The following PPP2R3B variants were observed in gnomAD, a reference collection of about 807,000 sequenced individuals.
The protein encoded by PPP2R3B is protein phosphatase 2 regulatory subunit B''beta, also known as serine/threonine-protein phosphatase 2A regulatory subunit B'' subunit beta.
In PPP2R3B, 68 loss-of-function variants were observed where a neutral mutation model predicts 72.9. That is an observed-to-expected ratio of 0.93 (90% confidence interval 0.77 to 1.14). The LOEUF is 1.14. Ranked by LOEUF, PPP2R3B falls within the 50% of genes most tolerant of loss-of-function variation. PPP2R3B has a pLI of 0.00. For synonymous variants in PPP2R3B, 466 were observed against 375.8 expected (o/e 1.24, Z -2.78); for missense variants, 1,018 against 842.0 (o/e 1.21, Z -2.59).
At chrX:384,335 T>C (rs1273722888) in intron 1 of PPP2R3B, among the ~76,000 whole-genome samples, 1 of 150,718 alleles carries the variant, frequency 6.6e-6, no homozygotes, top group Non-Finnish European at 1.5e-5. Flanking sequence ...CTTCCTCTGT[T>C]GCTCAGGCTG....
At chrX:341,461 C>T (rs1340991314) in intron 8 of PPP2R3B, 65 bp from the exon 9 acceptor site, 3 of 1,548,940 alleles carry the variant, frequency 1.9e-6, no homozygotes, top group Admixed American at 1.7e-5. Flanking sequence ...AGGAACGGAG[C>T]CCCTGTCCAC....
At chrX:374,879 T>C (rs2071955208) in intron 1 of PPP2R3B, among the ~76,000 whole-genome samples, 1 of 152,146 alleles carries the variant, frequency 6.6e-6, no homozygotes, top group Non-Finnish European at 1.5e-5. Context: ...TTCCCTGCCC[T>C]GAAAAACGTC....
At chrX:380,271 C>G (rs2072093729) in intron 1 of PPP2R3B, among the ~76,000 whole-genome samples, 1 of 152,112 alleles carries the variant, frequency 6.6e-6, no homozygotes, top group Admixed American at 6.6e-5. Flanking sequence ...AAACAAAAAG[C>G]AAGCCAGACT....
intron 1 of PPP2R3B, among the ~76,000 whole-genome samples, chrX:370,139 G>A (rs1324460013): frequency 1.3e-5 from 2 of 152,138 alleles, no homozygotes; most frequent in East Asian, 3.9e-4. Context: ...CAAAAAGGTC[G>A]GTGTTTACAC....
chrX:334,177 C>T lies in PPP2R3B; in HGVS notation c.*190G>A. ...CATTCACGCGCGGCCCTACGTGTCC[C>T]CCTGGCACAGAGCTCTGGGCAGGTC... On this transcript the variant is annotated 3_prime_UTR_variant, in exon 13 of 13. Coordinates refer to ENST00000390665, the MANE Select transcript of PPP2R3B (RefSeq NM_013239.5). The T allele has an allele frequency of 3.3e-6, 2 of 603,538 alleles. No individual in the cohort carries two copies. Among genetic ancestry groups the T allele is most frequent in the Non-Finnish European group, 2.5e-6 (1 of 393,148 alleles). The allele number at this position is 603,538 out of a possible 1,614,324, so 37.4% of individuals were successfully genotyped here.
chrX:351,209 T>C (rs961176162), intron 2 of PPP2R3B, among the ~76,000 whole-genome samples: 9 of 152,140 alleles, frequency 5.9e-5, no homozygotes, highest in African/African-American at 2.2e-4. Flanking sequence ...AGCTCAGCCC[T>C]GGCCACCTGG....
intron 10 of PPP2R3B, among the ~76,000 whole-genome samples, chrX:340,494 GTCCGTC>G (rs2071032567): frequency 1.5e-5 from 1 of 65,188 alleles, no homozygotes; most frequent in Non-Finnish European, 3.2e-5. Flanking sequence ...CCCCCCTCCC[GTCCGTC>G]CCCTCACCCT....
At chrX:383,704 G>A (rs1435712522) in intron 1 of PPP2R3B, among the ~76,000 whole-genome samples, 2 of 151,382 alleles carry the variant, frequency 1.3e-5, no homozygotes, top group African/African-American at 4.8e-5. Context: ...CGGGCGTGGT[G>A]GCGGGCGCCT....
At chrX:384,276 C>CTATATA (rs1234300797) in intron 1 of PPP2R3B, among the ~76,000 whole-genome samples, 1 of 148,620 alleles carries the variant, frequency 6.7e-6, no homozygotes, top group East Asian at 1.9e-4. Flanking sequence ...CTCTCTCTCT[C>CTATATA]TCTCTCTATA....
chrX:383,370 G>T (rs2072165912), intron 1 of PPP2R3B, among the ~76,000 whole-genome samples: 1 of 152,098 alleles, frequency 6.6e-6, no homozygotes, highest in Admixed American at 6.6e-5. Flanking sequence ...GTGTTCAGCT[G>T]AAAATTTTCA....
At chrX:370,881 C>T (rs1400940899) in intron 1 of PPP2R3B, among the ~76,000 whole-genome samples, 1 of 152,208 alleles carries the variant, frequency 6.6e-6, no homozygotes, top group Non-Finnish European at 1.5e-5. Flanking sequence ...GCGTAGGGGA[C>T]GGCGCTTTCA....
At chrX:382,120 C>G (rs780289687) in intron 1 of PPP2R3B, among the ~76,000 whole-genome samples, 1 of 152,096 alleles carries the variant, frequency 6.6e-6, no homozygotes, top group South Asian at 2.1e-4. Flanking sequence ...ACGGTCCACA[C>G]GCATCCTTCC....
chrX:378,990 A>T (rs191058725), intron 1 of PPP2R3B, among the ~76,000 whole-genome samples: 7 of 152,326 alleles, frequency 4.6e-5, no homozygotes, highest in Non-Finnish European at 1.0e-4. Flanking sequence ...AGAACTTCTA[A>T]TGAAACGTTA....
intron 3 of PPP2R3B, 21 bp from the exon 4 acceptor site, chrX:347,357 G>T (rs754574076): frequency 4.1e-5 from 66 of 1,610,422 alleles, no homozygotes; most frequent in Non-Finnish European, 5.2e-5. Context: ...AGGATGACTG[G>T]GCACCACCCT....
rs201480710 is a variant in PPP2R3B at position 347,687 on chromosome X, C to T, written c.517G>A (p.Gly173Ser). The T allele has an allele frequency of 1.1e-5, 17 of 1,537,688 alleles. No individual in the cohort carries two copies. Among genetic ancestry groups the T allele is most frequent in the South Asian group, 4.8e-5 (4 of 82,894 alleles). The part of the protein sequence containing the change: ...DDMGLVAKAC[G>S]CPLYWKGPLF... ...GGCCCCTTCCAGTAGAGGGGGCAGC[C>T]GCAGGCCTGGGGCAGAGAGGGCAGG... Residue 173 changes from glycine to serine, a missense_variant, in exon 3 of 13, where the codon GGC (glycine) becomes AGC (serine). By Grantham distance (56) the Gly-to-Ser change is moderately conservative. Transcript: ENST00000390665.
At chrX:384,002 C>G (rs1453135623) in intron 1 of PPP2R3B, among the ~76,000 whole-genome samples, 1 of 151,874 alleles carries the variant, frequency 6.6e-6, no homozygotes, top group Non-Finnish European at 1.5e-5. Context: ...CATCGTAAGA[C>G]TGACAGAACA....
Position 338,272 on chromosome X carries a change from G to A in PPP2R3B, c.1577+332C>T, listed in dbSNP as rs183376848. 2.1e-3 allele frequency: 993 copies of A among 483,296 alleles called. 11 individuals carry two copies. Among genetic ancestry groups the A allele is most frequent in the African/African-American group, 0.017 (879 of 51,396 alleles). 29.9% of individuals were successfully genotyped at this position (483,296 alleles called of 1,614,324 possible). Reference sequence around the variant, plus strand: ...GGGCCCTGCAGCCTGCCCAGCAGGTGCCAGCCGTGGGATAAGGACAGACGT... The same window carrying A: ...GGGCCCTGCAGCCTGCCCAGCAGGTACCAGCCGTGGGATAAGGACAGACGT... On this transcript the variant is annotated intron_variant, in intron 12 of 12. Coordinates refer to ENST00000390665, the MANE Select transcript of PPP2R3B (RefSeq NM_013239.5).
rs553184537 is a variant in PPP2R3B at position 349,303 on chromosome X, A to C, written c.511-1610T>G. Among the ~76,000 whole-genome samples, 11 of 152,280 alleles carry C rather than the reference A, an allele frequency of 7.2e-5. 1 individual carries two copies. The South Asian group carries it at 2.3e-3, about 32-fold the overall frequency. On this transcript the variant is annotated intron_variant, in intron 2 of 12. Transcript: ENST00000390665. ...AACCAGGCACCACTCTGCCACACCG[A>C]GATCTTCCAGCCTGCAGACCTGTGA...
chrX:366,723 T>C (rs1189972898), intron 1 of PPP2R3B, among the ~76,000 whole-genome samples: 10 of 95,444 alleles, frequency 1.0e-4, no homozygotes, highest in Non-Finnish European at 2.2e-4. Flanking sequence ...ATTAACCAGG[T>C]GTGGTGGCGC....
Sources: gnomAD v4.1 joint callset for allele counts (sites outside exome capture counted in the v4.1 genomes callset) on GRCh38, gnomAD v4.1.1 for gene constraint, MANE v1.5 for transcripts, NCBI Gene and HGNC (gene_info 2026-07-23, HGNC 2026-07-21) for gene names.